FBN1: variants seen among roughly 807,000 people sequenced by gnomAD.
FBN1 encodes the protein fibrillin-1.
Under a neutral mutation model 365.1 loss-of-function variants are expected in FBN1, and 29 were observed. The observed-to-expected ratio is 0.08, with a 90% CI of 0.06 to 0.11. The LOEUF is 0.11. Among genes scored for constraint, FBN1 ranks in the 10% least tolerant of loss-of-function variants. The pLI, the probability that FBN1 is intolerant of heterozygous loss-of-function variation, is 1.00. For missense variants in FBN1, 2,476 were observed against 3,703.2 expected, an observed-to-expected ratio of 0.67 and a Z score of 8.60; for synonymous variants, 1,210 against 1,270.5, an observed-to-expected ratio of 0.95 and a Z score of 1.01.
chr15:48,485,791 A>T (rs971582086), intron 29 of FBN1, among the ~76,000 whole-genome samples: 2 of 152,174 alleles, frequency 1.3e-5, no homozygotes, highest in Non-Finnish European at 2.9e-5. Context: ...ACCCTCCAGA[A>T]CTGTGAACTA....
rs1481304965 is a variant in FBN1 at position 48,432,931 on chromosome 15, T to C, written c.6674A>G (p.Tyr2225Cys). 1.2e-6 allele frequency: 2 copies of C among 1,613,672 alleles called. No individual in the cohort carries two copies. The highest frequency in any genetic ancestry group is 1.1e-5 in the South Asian group (1 of 91,080). ...LLCAFRCVNT[Y>C]GSYECKCPVG... is the part of the protein sequence containing the mutation. Reference sequence around the variant, plus strand: ...GGGACATTTGCATTCATATGACCCATAAGTGTTCACACATCGGAAGGCACA... The same window carrying C: ...GGGACATTTGCATTCATATGACCCACAAGTGTTCACACATCGGAAGGCACA... The change falls in exon 55 of 66, where the codon TAT becomes TGT. Residue 2225 changes from tyrosine to cysteine, a missense_variant. Tyr to Cys is a radical substitution (Grantham distance 194). Around this residue, in one of 5 missense-constraint regions of FBN1, gnomAD observed 1,780 missense variants for 2,840.8 expected, o/e 0.63. Transcript: ENST00000316623.
rs1460136746 is a variant in FBN1, at chr15:48,411,365, T to C, written c.8241A>G (p.Thr2747=). The C allele has an allele frequency of 1.9e-6, 3 of 1,613,946 alleles. No individual in the cohort carries two copies. Among genetic ancestry groups the C allele is most frequent in the Non-Finnish European group, 2.5e-6 (3 of 1,180,010 alleles). Reference sequence around the variant, plus strand: ...AACTTGCAAGACTCACATTGGCTTCTGTCTCAGACTGATCCTGGAAAGACA... The same window carrying C: ...AACTTGCAAGACTCACATTGGCTTCCGTCTCAGACTGATCCTGGAAAGACA... ...DASNIEDQSE[T]EANVSLASWD... is the part of the protein sequence containing the mutation. Residue 2747 remains threonine, a synonymous_variant, in exon 66 of 66, where the codon ACA becomes ACG. Transcript: ENST00000316623.
intron 6 of FBN1, among the ~76,000 whole-genome samples, chr15:48,540,041 A>G (rs1700989866): frequency 6.6e-6 from 1 of 152,176 alleles, no homozygotes; most frequent in African/African-American, 2.4e-5. Context: ...CACTGCAGTA[A>G]TTTGGAACAA....
At chr15:48,551,261 C>T (rs2044139281) in intron 6 of FBN1, among the ~76,000 whole-genome samples, 1 of 152,124 alleles carries the variant, frequency 6.6e-6, no homozygotes, top group Non-Finnish European at 1.5e-5. Context: ...TCCTCTCCTC[C>T]CACACATACC....
At chr15:48,623,303 A>C (rs1246528682) in intron 2 of FBN1, among the ~76,000 whole-genome samples, 1 of 152,260 alleles carries the variant, frequency 6.6e-6, no homozygotes, top group Non-Finnish European at 1.5e-5. Context: ...ATTTAAAAGA[A>C]GACTATTTAA....
chr15:48,573,330 C>T (rs531049880), intron 6 of FBN1, among the ~76,000 whole-genome samples: 97 of 152,162 alleles, frequency 6.4e-4, no homozygotes, highest in African/African-American at 2.0e-3. Context: ...TATCATGATG[C>T]CCATTAATCT....
At position 48,412,743 on chromosome 15, in the gene FBN1, C is replaced by T; in HGVS notation, c.8052G>A (p.Gly2684=). The T allele has an allele frequency of 1.2e-6, 2 of 1,614,160 alleles. No homozygotes were observed. Among genetic ancestry groups the T allele is most frequent in the Non-Finnish European group, 1.7e-6 (2 of 1,180,022 alleles). ...CPPGYFRIGQ[G]HCVSGMGMGR... ...CCATGCCCATTCCAGAAACACAGTG[C>T]CTGCAGCAGAAGGGGAGCATAGATG... The change falls in exon 65 of 66, where the codon GGG becomes GGA. Residue 2684 remains glycine (G), a splice_region_variant and synonymous_variant. Transcript: ENST00000316623.
chr15:48,534,049 C>A lies in FBN1; in HGVS notation c.862+31G>T, dbSNP rs746690015. Reference sequence around the variant, plus strand: ...TTGAGTTTTGCCTGCCCCCACTACACCCCCCAACTGCAAAGCATAAGATTT... The same window carrying A: ...TTGAGTTTTGCCTGCCCCCACTACAACCCCCAACTGCAAAGCATAAGATTT... On this transcript the variant is annotated intron_variant, in intron 8 of 65. Transcript: ENST00000316623. 30 of 1,605,356 alleles carry A rather than the reference C, an allele frequency of 1.9e-5. No individual in the cohort carries two copies. The South Asian group carries it at 1.9e-4, about 10-fold the overall frequency.
At chr15:48,420,192 AAAAAC>A (rs797000912) in intron 63 of FBN1, among the ~76,000 whole-genome samples, 29 of 77,744 alleles carry the variant, frequency 3.7e-4, no homozygotes, top group Admixed American at 9.4e-4. Context: ...AGCAATCTTG[AAAAAC>A]AAAACAAAAC....
chr15:48,422,067 A>C lies in FBN1; in HGVS notation c.7455T>G (p.Asp2485Glu), dbSNP rs377272529. Residue 2485 changes from aspartate (D) to glutamate (E), a missense_variant and splice_region_variant, in exon 61 of 66, where the codon GAT becomes GAG. Coordinates refer to ENST00000316623, the MANE Select transcript of FBN1 (RefSeq NM_000138.5). Reference sequence around the variant, plus strand: ...GTTGCTTGGTTGCACACTCATCAAGATCTACAAGAAAATGCAAGAGAGGCA... The same window carrying C: ...GTTGCTTGGTTGCACACTCATCAAGCTCTACAAGAAAATGCAAGAGAGGCA... ...ILQEDGRSCK[D>E]LDECATKQHN... 31 of 1,608,586 alleles carry C rather than the reference A, an allele frequency of 1.9e-5. No homozygotes were observed. The African/African-American group carries it at 4.1e-4, about 21-fold the overall frequency.
chr15:48,564,564 A>G (rs35724587), intron 6 of FBN1, among the ~76,000 whole-genome samples: 17,726 of 151,934 alleles, frequency 0.12, 1,212 homozygotes, highest in Non-Finnish European at 0.15. Context: ...GTCTATTAAT[A>G]TAAAATTAAT....
At chr15:48,567,805 C>A (rs2044268464) in intron 6 of FBN1, among the ~76,000 whole-genome samples, 1 of 151,922 alleles carries the variant, frequency 6.6e-6, no homozygotes, top group Non-Finnish European at 1.5e-5. Context: ...CAGAAAGAAA[C>A]TACCTCAACC....
intron 6 of FBN1, among the ~76,000 whole-genome samples, chr15:48,575,703 C>A (rs757124544): frequency 4.0e-5 from 6 of 151,898 alleles, no homozygotes; most frequent in African/African-American, 7.3e-5. Context: ...TAAAAAGACG[C>A]CTGTACTCAT....
intron 17 of FBN1, among the ~76,000 whole-genome samples, chr15:48,499,727 T>C (rs927901276): frequency 6.6e-6 from 1 of 152,216 alleles, no homozygotes; most frequent in African/African-American, 2.4e-5. Flanking sequence ...ATGTTTTATA[T>C]ACAATTCCAA....
At chr15:48,534,014 G>C in intron 8 of FBN1, 66 bp downstream of exon 8, 1 of 1,602,856 alleles carries the variant, frequency 6.2e-7, no homozygotes, top group Non-Finnish European at 8.5e-7. Flanking sequence ...AAACAAGCTT[G>C]TTTCTAATGT....
At chr15:48,552,719 C>A (rs1218640868) in intron 6 of FBN1, among the ~76,000 whole-genome samples, 1 of 152,120 alleles carries the variant, frequency 6.6e-6, no homozygotes, top group Non-Finnish European at 1.5e-5. Flanking sequence ...AACTGAGACA[C>A]CAAGTCCACA....
At chr15:48,443,995 G>A (rs2043135540) in intron 49 of FBN1, among the ~76,000 whole-genome samples, 1 of 152,080 alleles carries the variant, frequency 6.6e-6, no homozygotes, top group Admixed American at 6.6e-5. Flanking sequence ...TCGTGCCACT[G>A]TACTTCAACC....
intron 9 of FBN1, among the ~76,000 whole-genome samples, chr15:48,524,696 C>T (rs1374150052): frequency 6.6e-6 from 1 of 152,014 alleles, no homozygotes; most frequent in Non-Finnish European, 1.5e-5. Context: ...CGGTGGAATC[C>T]CAGATCCCTC....
At chr15:48,472,845 TG>T (rs2043389140) in intron 34 of FBN1, among the ~76,000 whole-genome samples, 169 bp from the exon 35 acceptor site, 1 of 152,232 alleles carries the variant, frequency 6.6e-6, no homozygotes, top group African/African-American at 2.4e-5. Context: ...GAAATTTACA[TG>T]TGGCTGATTC....
Sources: allele counts gnomAD v4.1 joint callset (sites outside exome capture counted in the v4.1 genomes callset), GRCh38; gene constraint gnomAD v4.1.1; regional missense constraint gnomAD v4.1.1; transcripts MANE v1.5; gene names NCBI Gene and HGNC (gene_info 2026-07-23, HGNC 2026-07-21).